The following RRAGC variants were observed in gnomAD, a reference collection of about 807,000 sequenced individuals.
The protein encoded by RRAGC is Ras related GTP binding C.
RRAGC carries 8 observed loss-of-function variants against 37.1 expected under a neutral mutation model. The ratio of observed to expected loss-of-function variants is 0.22; its 90% confidence interval spans 0.13 to 0.39. RRAGC has a LOEUF of 0.39. Among genes scored for constraint, RRAGC ranks in the 10% least tolerant of loss-of-function variants. The pLI, the probability that RRAGC is intolerant of heterozygous loss-of-function variation, is 1.00. For missense variants in RRAGC, 342 were observed against 497.6 expected (o/e 0.69, Z 2.98); for synonymous variants, 190 against 181.1 (o/e 1.05, Z -0.39).
intron 5 of RRAGC, among the ~76,000 whole-genome samples, chr1:38,849,015 G>C (rs1011131357): frequency 1.3e-5 from 2 of 151,612 alleles, no homozygotes; most frequent in African/African-American, 4.9e-5. Context: ...CTGTAGTCAG[G>C]AGCATCACTT....
At chr1:38,839,884 C>T (rs753007448) in intron 6 of RRAGC, among the ~76,000 whole-genome samples, 180 bp from the exon 7 acceptor site, 14 of 151,720 alleles carry the variant, frequency 9.2e-5, no homozygotes, top group African/African-American at 1.5e-4. Context: ...CAGTGGCTCA[C>T]GCCTGTAACC....
intron 5 of RRAGC, 132 bp from the exon 6 acceptor site, chr1:38,846,219 G>T: frequency 1.4e-6 from 1 of 725,042 alleles, no homozygotes; most frequent in South Asian, 1.8e-5. Context: ...CATATTGGGA[G>T]AGAGTGTTGT....
At chr1:38,854,559 A>T (rs1642143229) in intron 3 of RRAGC, among the ~76,000 whole-genome samples, 1 of 152,228 alleles carries the variant, frequency 6.6e-6, no homozygotes, top group Admixed American at 6.5e-5. Context: ...CTCAAAATCC[A>T]GGTAAAAAAC....
chr1:38,853,321 A>C (rs80232610), intron 3 of RRAGC, among the ~76,000 whole-genome samples: 8,393 of 152,312 alleles, frequency 0.055, 270 homozygotes, highest in Non-Finnish European at 0.064. Flanking sequence ...GAAGCCTTTA[A>C]CAATTTAAAC....
At chr1:38,858,727 C>T (rs995619659) in intron 1 of RRAGC, among the ~76,000 whole-genome samples, 1 of 152,190 alleles carries the variant, frequency 6.6e-6, no homozygotes, top group Non-Finnish European at 1.5e-5. Flanking sequence ...CAAACGTGTA[C>T]AGCCCTCCAT....
chr1:38,859,660 C>T lies in RRAGC; in HGVS notation c.-14G>A. ...CTGCAGGGACATGGTGCTGGAGCCG[C>T]CGCCGCCCGCGCCCTGACAGGCCAG... On this transcript the variant is annotated 5_prime_UTR_variant, in exon 1 of 7. Coordinates refer to ENST00000373001, the MANE Select transcript of RRAGC (RefSeq NM_022157.4). 6.5e-7 allele frequency: 1 copy of T among 1,535,046 alleles called. No individual in the cohort carries two copies.
intron 1 of RRAGC, among the ~76,000 whole-genome samples, chr1:38,858,523 C>T (rs958409205): frequency 5.3e-5 from 8 of 152,322 alleles, no homozygotes; most frequent in African/African-American, 1.9e-4. Flanking sequence ...CATGGTGAAA[C>T]CCCGTCTCTA....
intron 6 of RRAGC, among the ~76,000 whole-genome samples, chr1:38,845,114 C>G (rs1002181268): frequency 3.3e-5 from 5 of 152,198 alleles, no homozygotes; most frequent in Non-Finnish European, 7.3e-5. Context: ...ACTCAGCAAT[C>G]CTGTTACTGG....
intron 3 of RRAGC, among the ~76,000 whole-genome samples, chr1:38,855,063 T>C (rs1642151192): frequency 6.6e-6 from 1 of 152,188 alleles, no homozygotes; most frequent in Non-Finnish European, 1.5e-5. Context: ...TTCTTAACAG[T>C]AGTTACAAAC....
chr1:38,842,220 C>G (rs1264179925), intron 6 of RRAGC, among the ~76,000 whole-genome samples: 1 of 152,034 alleles, frequency 6.6e-6, no homozygotes, highest in Non-Finnish European at 1.5e-5. Flanking sequence ...TGCAGTGAGC[C>G]GAGATCGCAC....
chr1:38,852,394 G>T lies in RRAGC; in HGVS notation c.736C>A (p.Leu246Ile). 6.3e-7 allele frequency: 1 copy of T among 1,582,466 alleles called. No homozygotes were observed. The highest frequency in any genetic ancestry group is 8.7e-7 in the Non-Finnish European group (1 of 1,152,158). ...CTTACTGATATAAAGATATTTAATA[G>T]GTTTTCCAAGGTCGGCAGTTGTGGA... ...LIPQLPTLEN[L>I]LNIFISNSGI... Residue 246 changes from leucine to isoleucine, a missense_variant, in exon 4 of 7, where the codon CTA becomes ATA. Physicochemically the swap from Leu to Ile is conservative, Grantham distance 5 (BLOSUM62 2). Coordinates refer to ENST00000373001, the MANE Select transcript of RRAGC (RefSeq NM_022157.4).
At chr1:38,855,605 A>C in intron 3 of RRAGC, 103 bp downstream of exon 3, 1 of 912,710 alleles carries the variant, frequency 1.1e-6, no homozygotes, top group South Asian at 1.5e-5. Context: ...AGATGTGGCA[A>C]AGGGCACACA....
At chr1:38,849,246 C>G (rs1220273435) in intron 5 of RRAGC, among the ~76,000 whole-genome samples, 1 of 152,086 alleles carries the variant, frequency 6.6e-6, no homozygotes, top group African/African-American at 2.4e-5. Context: ...TGCAGTGATG[C>G]AATCATAGCT....
At chr1:38,846,304 T>C (rs900508085) in intron 5 of RRAGC, 1 of 456,220 alleles carries the variant, frequency 2.2e-6, no homozygotes, top group Non-Finnish European at 3.8e-6. Context: ...CATCCTTTAA[T>C]ATAGATAATC....
intron 6 of RRAGC, among the ~76,000 whole-genome samples, chr1:38,842,810 C>CTA (rs1286097599): frequency 1.3e-5 from 2 of 152,166 alleles, no homozygotes; most frequent in African/African-American, 2.4e-5. Flanking sequence ...CTGTAGAATA[C>CTA]TATATGGCAG....
At chr1:38,844,067 AC>A (rs1259802011) in intron 6 of RRAGC, among the ~76,000 whole-genome samples, 1 of 152,190 alleles carries the variant, frequency 6.6e-6, no homozygotes, top group African/African-American at 2.4e-5. Flanking sequence ...AAAGGAGATC[AC>A]GAAATCTCCT....
rs1054565628 is a variant in RRAGC, at chr1:38,839,792, A to C, written c.1049-88T>G. On this transcript the variant is annotated intron_variant, in intron 6 of 6. Transcript: ENST00000373001. ...GTTTGCAGCCAAAAATAACTCGGAT[A>C]AACACTGGTTGGAAATTCTTAAGCC... 48 of 1,322,582 alleles carry C rather than the reference A, an allele frequency of 3.6e-5. 1 individual carries two copies. In the Middle Eastern group the frequency reaches 5.5e-4, roughly 15 times the overall value. 81.9% of individuals were successfully genotyped at this position (1,322,582 alleles called of 1,614,324 possible).
chr1:38,839,441 T>C lies in RRAGC; in HGVS notation c.*112A>G, dbSNP rs548486349. ...GAGAAACTCTACCCCTTGTCTCTAG[T>C]GGAACAGGCACCAGATTCCCACAAG... On this transcript the variant is annotated 3_prime_UTR_variant, in exon 7 of 7. Transcript: ENST00000373001. The C allele has an allele frequency of 1.2e-3, 1,380 of 1,173,262 alleles. 16 individuals carry two copies. The South Asian group carries it at 0.017, about 14-fold the overall frequency. The allele number at this position is 1,173,262 out of a possible 1,614,324, so 72.7% of individuals were successfully genotyped here. A position where few individuals can be genotyped will look rare whatever the true frequency, so the allele number is the denominator to read the frequency against.
intron 5 of RRAGC, among the ~76,000 whole-genome samples, chr1:38,850,821 A>C (rs183196379): frequency 1.6e-3 from 246 of 150,200 alleles, no homozygotes; most frequent in Non-Finnish European, 2.6e-3. Context: ...GGTACAGAGA[A>C]TGTTATTAAC....
Sources: gnomAD v4.1 joint callset for allele counts (sites outside exome capture counted in the v4.1 genomes callset) on GRCh38, gnomAD v4.1.1 for gene constraint, MANE v1.5 for transcripts, NCBI Gene and HGNC (gene_info 2026-07-23, HGNC 2026-07-21) for gene names.